Variants in C3orf22 observed in about 807,000 individuals in gnomAD.
The protein encoded by C3orf22 is uncharacterized protein C3orf22.
In C3orf22, 7 loss-of-function variants were observed where a neutral mutation model predicts 10.8. The ratio of observed to expected loss-of-function variants is 0.65; its 90% confidence interval spans 0.37 to 1.22. The LOEUF is 1.22. Ranked by LOEUF, C3orf22 falls within the 50% of genes most tolerant of loss-of-function variation. C3orf22 has a pLI of 0.02. For missense variants in C3orf22, 173 were observed against 177.0 expected (o/e 0.98, Z 0.13); for synonymous variants, 79 against 78.9 (o/e 1.00, Z 0.00).
At chr3:126,551,825 T>C (rs1175536662) in intron 3 of C3orf22, among the ~76,000 whole-genome samples, 172 bp downstream of exon 3, 1 of 152,236 alleles carries the variant, frequency 6.6e-6, no homozygotes, top group Non-Finnish European at 1.5e-5. Context: ...TGCCTGGCTG[T>C]GGGAACAATT....
intron 3 of C3orf22, among the ~76,000 whole-genome samples, chr3:126,551,173 C>T (rs1418718691): frequency 2.6e-5 from 4 of 152,256 alleles, no homozygotes; most frequent in Middle Eastern, 3.4e-3. Flanking sequence ...CAGGGGAACG[C>T]GTGTGCATCC....
chr3:126,543,971 T>C (rs2107575480), intron 4 of C3orf22, among the ~76,000 whole-genome samples: 1 of 152,332 alleles, frequency 6.6e-6, no homozygotes. Flanking sequence ...CCTTGCACCA[T>C]TTCCAGCGTT....
Position 126,553,352 on chromosome 3 carries a change from C to G in C3orf22, c.39G>C (p.Lys13Asn), listed in dbSNP as rs1295446127. Reference protein sequence around the residue: ...SSACKKSHQSKKWRIQAQENF... With the variant: ...SSACKKSHQSNKWRIQAQENF... ...TCTCCTGGGCCTGGATCCTCCACTT[C>G]TTACTCTGGTGAGACTTCTTGCAGG... The change falls in exon 2 of 4, where the codon AAG (lysine) becomes AAC (asparagine). Residue 13 changes from lysine (K) to asparagine (N), a missense_variant. Coordinates refer to ENST00000318225, the MANE Select transcript of C3orf22 (RefSeq NM_152533.3). 6.2e-7 allele frequency: 1 copy of G among 1,614,130 alleles called. No homozygotes were observed. The highest frequency in any genetic ancestry group is 8.5e-7 in the Non-Finnish European group (1 of 1,180,004).
At chr3:126,531,007 G>C (rs796385792) in intron 4 of C3orf22, among the ~76,000 whole-genome samples, 32 of 152,374 alleles carry the variant, frequency 2.1e-4, no homozygotes, top group African/African-American at 7.5e-4. Context: ...TCTGGACAAT[G>C]GGCTTTAGGG....
chr3:126,554,119 A>C (rs1937267988), intron 1 of C3orf22, among the ~76,000 whole-genome samples: 1 of 151,990 alleles, frequency 6.6e-6, no homozygotes, highest in Non-Finnish European at 1.5e-5. Flanking sequence ...GGTTCAAGTG[A>C]TCCTGCCACC....
At chr3:126,542,375 G>C in intron 4 of C3orf22, 3 of 1,559,808 alleles carry the variant, frequency 1.9e-6, no homozygotes, top group Non-Finnish European at 2.6e-6. Context: ...GGAGGACGCG[G>C]CCTTCGTGCT....
At chr3:126,535,761 G>T (rs551240863) in intron 4 of C3orf22, among the ~76,000 whole-genome samples, 6 of 152,392 alleles carry the variant, frequency 3.9e-5, no homozygotes, top group Admixed American at 2.6e-4. Flanking sequence ...GCTGTCACAG[G>T]CATCCACAGT....
intron 4 of C3orf22, chr3:126,542,824 G>A: frequency 4.6e-6 from 2 of 432,908 alleles, no homozygotes; most frequent in Non-Finnish European, 7.8e-6. Flanking sequence ...TGCTCCAGCT[G>A]ACAGGCACCT....
intron 4 of C3orf22, chr3:126,542,422 G>C: frequency 6.4e-7 from 1 of 1,551,790 alleles, no homozygotes. Flanking sequence ...GCTTCCCTGG[G>C]CCGCCGCGGC....
Position 126,538,765 on chromosome 3 carries a change from G to A in C3orf22, c.287-9393C>T, listed in dbSNP as rs543727135. ...CTCCCAGGTGTCCCCATACCCCCATGGCATAGCTGAACCTGGCAGCCTTCC... is the reference window on the plus strand; with the variant it reads ...CTCCCAGGTGTCCCCATACCCCCATAGCATAGCTGAACCTGGCAGCCTTCC... On this transcript the variant is annotated intron_variant and NMD_transcript_variant, in intron 4 of 5. Coordinates refer to the C3orf22 transcript ENST00000505070. Among the ~76,000 whole-genome samples, 11 of 152,262 alleles carry A rather than the reference G, an allele frequency of 7.2e-5. No individual in the cohort carries two copies. In the East Asian group the frequency reaches 7.7e-4, roughly 11 times the overall value.
chr3:126,549,981 A>C lies in C3orf22; in HGVS notation c.313T>G (p.Leu105Val). The C allele has an allele frequency of 6.2e-7, 1 of 1,614,162 alleles. No homozygotes were observed. Among genetic ancestry groups the C allele is most frequent in the Non-Finnish European group, 8.5e-7 (1 of 1,180,038 alleles). The change falls in exon 4 of 4, where the codon TTG (leucine) becomes GTG (valine). Residue 105 changes from leucine to valine, a missense_variant. By Grantham distance (32) the Leu-to-Val change is conservative (BLOSUM62 1). Transcript: ENST00000318225. ...TGTCTGGGGAAGCGGCGACTCAGCA[A>C]CTTGAGTTCCCAAAGGTTGCACAGT... ...PPLCNLWELK[L>V]LSRRFPRQLA...
At chr3:126,555,155 G>A (rs1937297499) in intron 1 of C3orf22, among the ~76,000 whole-genome samples, 2 of 152,220 alleles carry the variant, frequency 1.3e-5, no homozygotes, top group South Asian at 4.1e-4. Flanking sequence ...GACAAGCTTG[G>A]AGGCTGCACT....
At chr3:126,542,029 G>C in intron 4 of C3orf22, 3 of 1,570,650 alleles carry the variant, frequency 1.9e-6, no homozygotes, top group Non-Finnish European at 2.6e-6. Context: ...GCCCCGCCGA[G>C]ATCAACCGGC....
rs781082460 is a variant in C3orf22 at position 126,553,357 on chromosome 3, T to C, written c.34A>G (p.Ser12Gly). ...TGGGCCTGGATCCTCCACTTCTTACTCTGGTGAGACTTCTTGCAGGCACTG... is the reference window on the plus strand; with the variant it reads ...TGGGCCTGGATCCTCCACTTCTTACCCTGGTGAGACTTCTTGCAGGCACTG... ...DSSACKKSHQSKKWRIQAQEN... is the reference protein window; with the variant it reads ...DSSACKKSHQGKKWRIQAQEN... Residue 12 changes from serine (S) to glycine (G), a missense_variant, in exon 2 of 4, where the codon AGT becomes GGT. Physicochemically the swap from Ser to Gly is moderately conservative, Grantham distance 56. Transcript: ENST00000318225. 2 of 1,614,078 alleles carry C rather than the reference T, an allele frequency of 1.2e-6. No homozygotes were observed. Among genetic ancestry groups the C allele is most frequent in the Non-Finnish European group, 1.7e-6 (2 of 1,180,006 alleles).
intron 1 of C3orf22, among the ~76,000 whole-genome samples, chr3:126,556,814 C>T (rs1415598556): frequency 7.6e-6 from 1 of 131,738 alleles, no homozygotes; most frequent in Non-Finnish European, 1.6e-5. Flanking sequence ...CACCCACACA[C>T]ACAGACTCAC....
intron 4 of C3orf22, among the ~76,000 whole-genome samples, chr3:126,536,726 C>T (rs986298023): frequency 1.3e-4 from 19 of 151,948 alleles, no homozygotes; most frequent in Non-Finnish European, 2.2e-4. Context: ...CCAGCCCCGG[C>T]GTGATTCTCA....
intron 3 of C3orf22, 34 bp downstream of exon 3, chr3:126,551,963 C>A: frequency 6.4e-7 from 1 of 1,569,618 alleles, no homozygotes; most frequent in Non-Finnish European, 8.6e-7. Flanking sequence ...TGCACACAGC[C>A]AGTGGGGGTG....
chr3:126,554,287 G>A (rs9872742), intron 1 of C3orf22, among the ~76,000 whole-genome samples: 82,342 of 138,168 alleles, frequency 0.6, 24,910 homozygotes, highest in South Asian at 0.75. Context: ...TTTTTGAGAC[G>A]AAGTCTCGCT....
At chr3:126,552,977 G>A (rs1423159022) in intron 2 of C3orf22, among the ~76,000 whole-genome samples, 1 of 152,236 alleles carries the variant, frequency 6.6e-6, no homozygotes, top group African/African-American at 2.4e-5. Context: ...ACAAACAATG[G>A]GTGCCCAGCA....
Sources: allele counts gnomAD v4.1 joint callset (sites outside exome capture counted in the v4.1 genomes callset), GRCh38; gene constraint gnomAD v4.1.1; transcripts MANE v1.5; gene names NCBI Gene and HGNC (gene_info 2026-07-23, HGNC 2026-07-21).